Variants in COL26A1 observed in about 807,000 individuals in gnomAD.
COL26A1 encodes the protein collagen alpha-1(XXVI) chain.
COL26A1 carries 41 observed loss-of-function variants against 59.3 expected under a neutral mutation model. The observed-to-expected ratio is 0.69, with a 90% CI of 0.54 to 0.90. The LOEUF is 0.90. Among genes scored for constraint, COL26A1 ranks in the 40% least tolerant of loss-of-function variants. The pLI is 0.00. For missense variants in COL26A1, 612 were observed against 602.3 expected (o/e 1.02, Z -0.17); for synonymous variants, 266 against 256.0 (o/e 1.04, Z -0.37).
intron 3 of COL26A1, among the ~76,000 whole-genome samples, chr7:101,487,905 G>A (rs768347490): frequency 2.0e-5 from 3 of 152,142 alleles, no homozygotes; most frequent in Admixed American, 6.5e-5. Context: ...TTTTGTTATA[G>A]AGATGGGGTC....
At chr7:101,486,961 C>T (rs1018342409) in intron 3 of COL26A1, among the ~76,000 whole-genome samples, 1 of 152,216 alleles carries the variant, frequency 6.6e-6, no homozygotes, top group Admixed American at 6.5e-5. Context: ...GGAACCCGGG[C>T]ACAGTCCCAG....
intron 10 of COL26A1, 88 bp downstream of exon 10, chr7:101,551,231 G>GCCACCCCCGGGGGCT: frequency 1.0e-6 from 1 of 979,086 alleles, no homozygotes. Context: ...GGGGGTTGGT[G>GCCACCCCCGGGGGCT]GGGGGGTTCA....
intron 3 of COL26A1, among the ~76,000 whole-genome samples, chr7:101,465,672 C>T (rs1242078048): frequency 3.8e-5 from 5 of 132,520 alleles, no homozygotes; most frequent in South Asian, 2.3e-4. Context: ...CCAGCCTGGA[C>T]GACAAAGTGA....
At chr7:101,509,136 G>A (rs1379780454) in intron 3 of COL26A1, among the ~76,000 whole-genome samples, 1 of 152,066 alleles carries the variant, frequency 6.6e-6, no homozygotes, top group Non-Finnish European at 1.5e-5. Flanking sequence ...GGGAGGAAGA[G>A]GTGCCAGCTC....
intron 3 of COL26A1, among the ~76,000 whole-genome samples, chr7:101,507,937 G>A (rs574218461): frequency 6.6e-6 from 1 of 152,262 alleles, no homozygotes; most frequent in African/African-American, 2.4e-5. Flanking sequence ...CTCAAGGCAC[G>A]TGACTGCCAT....
chr7:101,463,822 CT>C (rs1442536040), intron 3 of COL26A1, among the ~76,000 whole-genome samples: 31 of 109,862 alleles, frequency 2.8e-4, no homozygotes, highest in Non-Finnish European at 2.0e-4. Context: ...CCCTCCCTCC[CT>C]TCCTTCCTCC....
chr7:101,546,325 C>T (rs1795734983), intron 7 of COL26A1, among the ~76,000 whole-genome samples: 1 of 152,170 alleles, frequency 6.6e-6, no homozygotes, highest in African/African-American at 2.4e-5. Context: ...GCCTCTCACT[C>T]CTGGGCTCAA....
chr7:101,429,035 T>C (rs1792714207), intron 2 of COL26A1, among the ~76,000 whole-genome samples: 3 of 151,822 alleles, frequency 2.0e-5, no homozygotes. Flanking sequence ...GCAGTTCTAC[T>C]GCCTCAGCTT....
chr7:101,550,046 G>A (rs1026445169), intron 9 of COL26A1, among the ~76,000 whole-genome samples: 2 of 152,196 alleles, frequency 1.3e-5, no homozygotes, highest in African/African-American at 2.4e-5. Context: ...GTGTGGTGTC[G>A]GATGAGGCAC....
intron 2 of COL26A1, among the ~76,000 whole-genome samples, chr7:101,445,794 AATCGC>A (rs1793178459): frequency 1.3e-5 from 2 of 149,034 alleles, no homozygotes; most frequent in South Asian, 4.2e-4. Flanking sequence ...CCATGTCTGT[AATCGC>A]AGCGCTTTGG....
chr7:101,485,626 C>T (rs575121498), intron 3 of COL26A1, among the ~76,000 whole-genome samples: 19 of 152,190 alleles, frequency 1.2e-4, no homozygotes, highest in South Asian at 4.2e-4. Flanking sequence ...GTTTACCTGC[C>T]GTCATCTGAT....
chr7:101,398,827 G>A (rs11770876), intron 1 of COL26A1, among the ~76,000 whole-genome samples: 4 of 152,004 alleles, frequency 2.6e-5, no homozygotes, highest in Admixed American at 2.0e-4. Context: ...GCATTATCAG[G>A]CGGCAGTCTG....
intron 12 of COL26A1, among the ~76,000 whole-genome samples, 199 bp downstream of exon 12, chr7:101,556,070 C>T (rs951813547): frequency 2.0e-5 from 3 of 152,196 alleles, no homozygotes; most frequent in South Asian, 2.1e-4. Context: ...CCCAGTTTCC[C>T]AGCCCCTCCC....
chr7:101,462,936 C>T (rs1793649998), intron 3 of COL26A1, among the ~76,000 whole-genome samples: 1 of 152,120 alleles, frequency 6.6e-6, no homozygotes, highest in Non-Finnish European at 1.5e-5. Context: ...CTTCGTGCAT[C>T]AAAGCACATA....
chr7:101,519,315 T>C (rs1474802247), intron 3 of COL26A1, among the ~76,000 whole-genome samples: 1 of 152,208 alleles, frequency 6.6e-6, no homozygotes, highest in Non-Finnish European at 1.5e-5. Context: ...ATTCTTTTTT[T>C]AGTTTTTCCC....
At position 101,439,969 on chromosome 7, in the gene COL26A1, G is replaced by T. The variant is rs150185680; in HGVS notation, c.282-7715G>T. 1.2e-4 allele frequency among the ~76,000 whole-genome samples: 19 copies of T among 152,232 alleles called. No individual in the cohort carries two copies. In the East Asian group the frequency reaches 3.7e-3, roughly 29 times the overall value. On this transcript the variant is annotated intron_variant, in intron 2 of 12. Coordinates refer to ENST00000313669, the MANE Select transcript of COL26A1 (RefSeq NM_001278563.3). ...AAGATGAGTTCCCTCTTGGAGCCTG[G>T]TGTCCTCAACTGAGTGCGGCCTTAA...
rs932953366 is a variant in COL26A1 at position 101,454,044 on chromosome 7, T to C, written c.385+6257T>C. On this transcript the variant is annotated intron_variant, in intron 3 of 12. Coordinates refer to ENST00000313669, the MANE Select transcript of COL26A1 (RefSeq NM_001278563.3). ...ATCTTAATGAATTGCACATTTCGTG[T>C]TTGTGAATTCACCTCCTTGATAAAA... Among the ~76,000 whole-genome samples the C allele has an allele frequency of 2.0e-5, 3 of 152,116 alleles. No individual in the cohort carries two copies. The East Asian group carries it at 5.8e-4, about 29-fold the overall frequency.
intron 3 of COL26A1, among the ~76,000 whole-genome samples, chr7:101,469,635 G>A (rs978824072): frequency 2.0e-5 from 3 of 151,972 alleles, no homozygotes; most frequent in Non-Finnish European, 4.4e-5. Context: ...GATTACAGGC[G>A]TGTGCCACCA....
In COL26A1 at chr7:101,542,445, A is replaced by G. The variant is rs116518346; in HGVS notation, c.605-1553A>G. Among the ~76,000 whole-genome samples, 331 of 152,220 alleles carry G rather than the reference A, an allele frequency of 2.2e-3. 1 individual carries two copies. Among genetic ancestry groups the G allele is most frequent in the African/African-American group, 7.7e-3 (320 of 41,546 alleles). ...CTTCACACAAAGCTTGGAAGCCTTGAGGTTACAGGGGAGACACCTGAGGCT... is the reference window on the plus strand; with the variant it reads ...CTTCACACAAAGCTTGGAAGCCTTGGGGTTACAGGGGAGACACCTGAGGCT... On this transcript the variant is annotated intron_variant, in intron 5 of 12. Coordinates refer to ENST00000313669, the MANE Select transcript of COL26A1 (RefSeq NM_001278563.3).
Sources: allele counts gnomAD v4.1 joint callset (sites outside exome capture counted in the v4.1 genomes callset), GRCh38; gene constraint gnomAD v4.1.1; transcripts MANE v1.5; gene names NCBI Gene and HGNC (gene_info 2026-07-23, HGNC 2026-07-21).